The following ASXL2 variants were observed in gnomAD, a reference collection of about 807,000 sequenced individuals.
ASXL2 encodes putative Polycomb group protein ASXL2.
In ASXL2, 23 loss-of-function variants were observed where a neutral mutation model predicts 122.0. That is an observed-to-expected ratio of 0.19 (90% confidence interval 0.14 to 0.27). The LOEUF is 0.27. Among genes scored for constraint, ASXL2 ranks in the 10% least tolerant of loss-of-function variants. ASXL2 has a pLI of 1.00. For missense variants in ASXL2, 1,518 were observed against 1,713.8 expected (o/e 0.89, Z 2.02); for synonymous variants, 650 against 637.0 (o/e 1.02, Z -0.31).
chr2:25,791,251 G>A (rs888608213), intron 5 of ASXL2, among the ~76,000 whole-genome samples: 17 of 152,112 alleles, frequency 1.1e-4, no homozygotes, highest in Middle Eastern at 3.4e-3. Context: ...CCCTTTGGGA[G>A]CCCGAGGCAA....
intron 2 of ASXL2, among the ~76,000 whole-genome samples, chr2:25,840,206 A>C (rs2149190600): frequency 6.6e-6 from 1 of 152,336 alleles, no homozygotes; most frequent in African/African-American, 2.4e-5. Context: ...GCTTTTATAA[A>C]AAAATAAAAA....
intron 1 of ASXL2, among the ~76,000 whole-genome samples, chr2:25,870,325 C>A (rs1287001887): frequency 1.3e-5 from 2 of 152,124 alleles, no homozygotes; most frequent in Admixed American, 6.6e-5. Context: ...GAGATTGAGA[C>A]CATCCTGGCC....
chr2:25,865,169 G>A lies in ASXL2; in HGVS notation c.57+12997C>T, dbSNP rs188987711. Among the ~76,000 whole-genome samples the A allele has an allele frequency of 3.4e-3, 513 of 151,452 alleles. 5 individuals are homozygous for A. Among genetic ancestry groups the A allele is most frequent in the African/African-American group, 0.011 (466 of 41,318 alleles). On this transcript the variant is annotated intron_variant, in intron 1 of 12. Coordinates refer to ENST00000435504, the MANE Select transcript of ASXL2 (RefSeq NM_018263.6). Reference sequence around the variant, plus strand: ...ATTTAGGCCAGGCATGGTGGCTCACGCTTGTAATGTCAGCACTTTGGGAGG... The same window carrying A: ...ATTTAGGCCAGGCATGGTGGCTCACACTTGTAATGTCAGCACTTTGGGAGG...
intron 5 of ASXL2, among the ~76,000 whole-genome samples, chr2:25,793,748 T>A (rs900894479): frequency 6.6e-6 from 1 of 152,228 alleles, no homozygotes; most frequent in Non-Finnish European, 1.5e-5. Context: ...GGATCCTTTT[T>A]AGTTCTAAGT....
chr2:25,827,423 TA>T (rs2089390519), intron 3 of ASXL2, among the ~76,000 whole-genome samples: 1 of 152,194 alleles, frequency 6.6e-6, no homozygotes, highest in African/African-American at 2.4e-5. Context: ...ACTGAATTAA[TA>T]AATAGTCTTG....
At chr2:25,828,769 G>A (rs1457403580) in intron 3 of ASXL2, among the ~76,000 whole-genome samples, 1 of 139,912 alleles carries the variant, frequency 7.1e-6, no homozygotes, top group Non-Finnish European at 1.5e-5. Flanking sequence ...AAGTTGCAGT[G>A]AGCTGAGATC....
intron 1 of ASXL2, among the ~76,000 whole-genome samples, chr2:25,846,765 G>A (rs530361495): frequency 8.5e-5 from 13 of 152,338 alleles, no homozygotes; most frequent in East Asian, 5.8e-4. Context: ...GCAGTAAGCC[G>A]AGATTGTGCC....
rs376662333 is a variant in ASXL2, at chr2:25,791,079, G to C, written c.403+8306C>G. ...CCCAAAGTAATGGGATTACAGGTGT[G>C]AGCCACCACACCCAGCCTATAAACA... is the stretch of plus-strand genomic sequence containing the variant. On this transcript the variant is annotated intron_variant, in intron 5 of 12. Transcript: ENST00000435504. Among the ~76,000 whole-genome samples, 7 of 151,896 alleles carry C rather than the reference G, an allele frequency of 4.6e-5. No homozygotes were observed. The East Asian group carries it at 1.3e-3, about 29-fold the overall frequency.
intron 5 of ASXL2, among the ~76,000 whole-genome samples, chr2:25,782,762 CATA>C (rs1375958893): frequency 1.3e-5 from 2 of 152,146 alleles, no homozygotes; most frequent in African/African-American, 4.8e-5. Flanking sequence ...TTTCAGCAAG[CATA>C]GAAGTTATGT....
At chr2:25,860,022 A>C (rs1161184375) in intron 1 of ASXL2, among the ~76,000 whole-genome samples, 2 of 152,112 alleles carry the variant, frequency 1.3e-5, no homozygotes. Flanking sequence ...TGTCTCTTAA[A>C]AATAAAATAA....
At chr2:25,872,630 A>G (rs1165034759) in intron 1 of ASXL2, among the ~76,000 whole-genome samples, 1 of 152,214 alleles carries the variant, frequency 6.6e-6, no homozygotes, top group Non-Finnish European at 1.5e-5. Context: ...TATACAAAGT[A>G]AGCATTGATA....
chr2:25,824,410 T>G (rs2089350557), intron 3 of ASXL2, among the ~76,000 whole-genome samples: 1 of 152,088 alleles, frequency 6.6e-6, no homozygotes, highest in Admixed American at 6.6e-5. Context: ...ATTCTTACAT[T>G]TTAATGTAAA....
rs548607773 is a variant in ASXL2, at chr2:25,734,755, T to G, written c.*7274A>C. 6.6e-6 allele frequency: 1 copy of G among 152,328 alleles called. No individual in the cohort carries two copies. Among genetic ancestry groups the G allele is most frequent in the African/African-American group, 2.4e-5 (1 of 41,582 alleles). The allele number at this position is 152,328 out of a possible 1,614,324, so 9.4% of individuals were successfully genotyped here. ...GGAGGTGCACAGCCCTAAATCCTGA[T>G]TAGTGGCAAAAGCCACCACAGTTCA... On this transcript the variant is annotated 3_prime_UTR_variant, in exon 13 of 13. Transcript: ENST00000435504.
chr2:25,852,958 G>A (rs1451561306), intron 1 of ASXL2, among the ~76,000 whole-genome samples: 1 of 152,176 alleles, frequency 6.6e-6, no homozygotes, highest in Admixed American at 6.5e-5. Flanking sequence ...AGTAATAGGG[G>A]ATTAAAACAA....
intron 1 of ASXL2, among the ~76,000 whole-genome samples, chr2:25,877,462 T>C (rs2090018461): frequency 6.6e-6 from 1 of 152,082 alleles, no homozygotes; most frequent in Admixed American, 6.6e-5. Flanking sequence ...TAGGGCACCA[T>C]CCCTTTGGCT....
intron 5 of ASXL2, among the ~76,000 whole-genome samples, chr2:25,796,261 C>T (rs2088909947): frequency 6.6e-6 from 1 of 152,132 alleles, no homozygotes; most frequent in African/African-American, 2.4e-5. Context: ...TCCAACATAA[C>T]CTGAGCTTCT....
chr2:25,877,716 G>C (rs968820733), intron 1 of ASXL2, among the ~76,000 whole-genome samples: 1 of 152,184 alleles, frequency 6.6e-6, no homozygotes, highest in African/African-American at 2.4e-5. Flanking sequence ...CGCTGTAACG[G>C]GTAAATTCTA....
At chr2:25,816,123 C>T (rs1420042707) in intron 3 of ASXL2, among the ~76,000 whole-genome samples, 1 of 152,058 alleles carries the variant, frequency 6.6e-6, no homozygotes, top group Admixed American at 6.5e-5. Flanking sequence ...GTGGCTCACA[C>T]CTGTAATCCC....
intron 1 of ASXL2, among the ~76,000 whole-genome samples, chr2:25,874,752 T>G (rs1223546558): frequency 6.6e-6 from 1 of 151,938 alleles, no homozygotes. Context: ...CTCGCTCAAA[T>G]CATTCATTAC....
Sources: allele counts gnomAD v4.1 joint callset (sites outside exome capture counted in the v4.1 genomes callset), GRCh38; gene constraint gnomAD v4.1.1; transcripts MANE v1.5; gene names NCBI Gene and HGNC (gene_info 2026-07-23, HGNC 2026-07-21).